The following PCDHA12 variants were observed in gnomAD, a reference collection of about 807,000 sequenced individuals.
The protein encoded by PCDHA12 is protocadherin alpha 12, also known as protocadherin alpha-12.
A neutral mutation model predicts 60.0 loss-of-function variants in PCDHA12; 44 were observed. The observed-to-expected ratio is 0.73, with a 90% CI of 0.58 to 0.94. The LOEUF is 0.94. PCDHA12 is among the 40% of genes least tolerant of loss of function. The pLI is 0.00. For synonymous variants in PCDHA12, 569 were observed against 553.0 expected (o/e 1.03, Z -0.40); for missense variants, 1,276 against 1,239.7 (o/e 1.03, Z -0.44).
At chr5:140,909,094 T>C (rs1445563506) in intron 1 of PCDHA12, among the ~76,000 whole-genome samples, 1 of 152,196 alleles carries the variant, frequency 6.6e-6, no homozygotes, top group Admixed American at 6.5e-5. Context: ...TACTTCTCAC[T>C]CACTGGGTCC....
intron 1 of PCDHA12, chr5:140,878,044 G>A (rs1554170271): frequency 1.9e-6 from 1 of 516,218 alleles, no homozygotes; most frequent in Admixed American, 3.9e-5. Flanking sequence ...TGGAGGCCAT[G>A]GAGCACCACA....
chr5:140,892,793 A>G (rs1292583572), intron 1 of PCDHA12, among the ~76,000 whole-genome samples: 1 of 152,224 alleles, frequency 6.6e-6, no homozygotes, highest in Non-Finnish European at 1.5e-5. Context: ...TATGTAAGAA[A>G]TTATAGTTAA....
At chr5:140,953,546 T>G (rs2094902084) in intron 1 of PCDHA12, among the ~76,000 whole-genome samples, 1 of 152,136 alleles carries the variant, frequency 6.6e-6, no homozygotes, top group African/African-American at 2.4e-5. Context: ...ATGCTGATTC[T>G]TTTCTCCAAG....
rs868942705 is a variant in PCDHA12 at position 140,935,763 on chromosome 5, C to T, written c.2368-43186C>T. Reference sequence around the variant, plus strand: ...TATTCCATACAATACACATTCTTCCCCACTTTGAGTTTTTTCACTTAAAAA... The same window carrying T: ...TATTCCATACAATACACATTCTTCCTCACTTTGAGTTTTTTCACTTAAAAA... On this transcript the variant is annotated intron_variant, in intron 1 of 3. Coordinates refer to ENST00000398631, the MANE Select transcript of PCDHA12 (RefSeq NM_018903.4). Among the ~76,000 whole-genome samples, 111 of 152,180 alleles carry T rather than the reference C, an allele frequency of 7.3e-4. 1 individual carries two copies. The highest frequency in any genetic ancestry group is 3.4e-3 in the Middle Eastern group (1 of 294).
intron 1 of PCDHA12, among the ~76,000 whole-genome samples, chr5:140,879,081 T>C (rs1425343317): frequency 1.3e-5 from 2 of 152,084 alleles, no homozygotes; most frequent in African/African-American, 4.8e-5. Flanking sequence ...GAGAGATAAG[T>C]AGGAACAACT....
intron 1 of PCDHA12, among the ~76,000 whole-genome samples, chr5:140,941,368 G>A (rs2093051755): frequency 7.3e-6 from 1 of 136,646 alleles, no homozygotes; most frequent in Non-Finnish European, 1.5e-5. Context: ...CTAGGCTGGA[G>A]TGTAGTGACA....
chr5:140,928,313 T>TG (rs1554205740), intron 1 of PCDHA12: 1 of 1,614,172 alleles, frequency 6.2e-7, no homozygotes, highest in Non-Finnish European at 8.5e-7. Flanking sequence ...GACCCCGACC[T>TG]GGGGAAGAAT....
intron 3 of PCDHA12, among the ~76,000 whole-genome samples, chr5:140,987,234 A>G (rs2097240958): frequency 6.6e-6 from 1 of 151,980 alleles, no homozygotes; most frequent in Non-Finnish European, 1.5e-5. Context: ...AAAATAATAA[A>G]TAAAGAAAGA....
chr5:140,933,694 C>T (rs782754431), intron 1 of PCDHA12, among the ~76,000 whole-genome samples: 8 of 151,858 alleles, frequency 5.3e-5, no homozygotes, highest in South Asian at 4.1e-4. Flanking sequence ...TCCTATTCCT[C>T]GGACACATTT....
chr5:140,886,268 A>C (rs1250080024), intron 1 of PCDHA12, among the ~76,000 whole-genome samples: 2 of 151,920 alleles, frequency 1.3e-5, no homozygotes, highest in Non-Finnish European at 2.9e-5. Flanking sequence ...TTATAGATAA[A>C]ATTTTTTAAA....
intron 1 of PCDHA12, among the ~76,000 whole-genome samples, chr5:140,920,866 A>G (rs1584205398): frequency 6.6e-6 from 1 of 151,760 alleles, no homozygotes; most frequent in African/African-American, 2.4e-5. Context: ...AAACAAACAA[A>G]CTGTGGCCCT....
At chr5:140,976,424 G>A (rs2096715736) in intron 1 of PCDHA12, among the ~76,000 whole-genome samples, 1 of 152,114 alleles carries the variant, frequency 6.6e-6, no homozygotes, top group Non-Finnish European at 1.5e-5. Flanking sequence ...GGTGGCAGAT[G>A]CCTGTAATCC....
chr5:140,914,458 A>T (rs1294717004), intron 1 of PCDHA12, among the ~76,000 whole-genome samples: 2 of 152,004 alleles, frequency 1.3e-5, no homozygotes, highest in African/African-American at 4.8e-5. Flanking sequence ...TTTCCAGTCT[A>T]TGTGTATCTT....
chr5:140,972,235 G>A (rs1368131761), intron 1 of PCDHA12, among the ~76,000 whole-genome samples: 2 of 151,838 alleles, frequency 1.3e-5, no homozygotes, highest in African/African-American at 4.8e-5. Context: ...GACCTTCTGG[G>A]CTCAAGCAAT....
chr5:140,909,494 G>A (rs1554193825), intron 1 of PCDHA12, among the ~76,000 whole-genome samples: 2 of 152,174 alleles, frequency 1.3e-5, no homozygotes, highest in African/African-American at 4.8e-5. Context: ...GAGCTGAACG[G>A]GGATGTGGTG....
chr5:140,879,468 C>T (rs1302590030), intron 1 of PCDHA12, among the ~76,000 whole-genome samples: 2 of 152,006 alleles, frequency 1.3e-5, no homozygotes, highest in African/African-American at 4.8e-5. Context: ...AAGAGAATAC[C>T]GTTGTGATTG....
At chr5:140,948,764 G>A (rs962710607) in intron 1 of PCDHA12, among the ~76,000 whole-genome samples, 11 of 150,728 alleles carry the variant, frequency 7.3e-5, no homozygotes, top group East Asian at 3.9e-4. Context: ...GATTTTTTTC[G>A]AATAGCCAGC....
In PCDHA12 at chr5:140,877,266, C is replaced by T; in HGVS notation, c.1794C>T (p.Asp598=). Residue 598 remains aspartate (D), a synonymous_variant, in exon 1 of 4, where the codon GAC becomes GAT. Transcript: ENST00000398631. The part of the protein sequence containing the change: ...GHVVAKVRAV[D]ADSGYNAWLS... The stretch of plus-strand genomic sequence containing the variant: ...TGGTGGCGAAAGTGCGCGCGGTGGA[C>T]GCTGACTCCGGCTATAACGCTTGGC... 1 of 1,613,808 alleles carries T rather than the reference C, an allele frequency of 6.2e-7. No homozygotes were observed. Among genetic ancestry groups the T allele is most frequent in the Non-Finnish European group, 8.5e-7 (1 of 1,179,818 alleles).
At chr5:140,887,494 CT>C (rs1439502451) in intron 1 of PCDHA12, among the ~76,000 whole-genome samples, 1 of 152,128 alleles carries the variant, frequency 6.6e-6, no homozygotes, top group Non-Finnish European at 1.5e-5. Flanking sequence ...TGCATAGTTT[CT>C]AATAAGATGT....
Sources: gnomAD v4.1 joint callset for allele counts (sites outside exome capture counted in the v4.1 genomes callset) on GRCh38, gnomAD v4.1.1 for gene constraint, MANE v1.5 for transcripts, NCBI Gene and HGNC (gene_info 2026-07-23, HGNC 2026-07-21) for gene names.